The following CD36 variants were observed in gnomAD, a reference collection of about 807,000 sequenced individuals.
The protein encoded by CD36 is CD36 molecule (CD36 blood group), also known as platelet glycoprotein 4.
In CD36, 119 loss-of-function variants were observed where a neutral mutation model predicts 55.2. The observed-to-expected ratio is 2.15, with a 90% CI of 1.86 to 2.51. The LOEUF (loss-of-function observed/expected upper bound fraction) is 2.51, where lower values mean the gene tolerates loss of function less well. CD36 is among the 30% of genes most tolerant of loss of function. CD36 has a pLI of 0.00. For missense variants in CD36, 819 were observed against 555.5 expected, an observed-to-expected ratio of 1.47 and a Z score of -4.77; for synonymous variants, 186 against 193.6, an observed-to-expected ratio of 0.96 and a Z score of 0.33.
chr7:80,665,087 A>G (rs1044895573), intron 7 of CD36, among the ~76,000 whole-genome samples: 5 of 152,150 alleles, frequency 3.3e-5, no homozygotes, highest in African/African-American at 1.2e-4. Context: ...ATGCAAAAAT[A>G]GAATGAATAT....
At chr7:80,647,258 CTG>C (rs3138813) in intron 3 of CD36, 5,835 of 203,842 alleles carry the variant, frequency 0.029, 137 homozygotes, top group East Asian at 0.099. Context: ...AAAAGTAAAA[CTG>C]TGTGTGTGTG....
At position 80,672,774 on chromosome 7, in the gene CD36, C is replaced by T. The variant is rs748360708; in HGVS notation, c.1130C>T (p.Thr377Ile). The change falls in exon 12 of 15, where the codon ACT becomes ATT. Residue 377 changes from threonine to isoleucine, a missense_variant. Coordinates refer to ENST00000447544, the MANE Select transcript of CD36 (RefSeq NM_001001548.3). ...ATTTAGTTGTTCTCTTTTTAGATAACTGGATTCACTTTACAATTTGCAAAA... is the reference window on the plus strand; with the variant it reads ...ATTTAGTTGTTCTCTTTTTAGATAATTGGATTCACTTTACAATTTGCAAAA... Reference protein sequence around the residue: ...HRTYLDIEPITGFTLQFAKRL... With the variant: ...HRTYLDIEPIIGFTLQFAKRL... The T allele has an allele frequency of 5.0e-6, 8 of 1,605,010 alleles. No homozygotes were observed. The African/African-American group carries it at 1.1e-4, about 22-fold the overall frequency.
chr7:80,673,048 A>G, intron 12 of CD36: 2 of 563,666 alleles, frequency 3.5e-6, no homozygotes, highest in Non-Finnish European at 6.3e-6. Flanking sequence ...TGAGCATTTG[A>G]TAGCATCTCT....
At chr7:80,608,439 T>TAAC (rs1426518344) in intron 1 of CD36, among the ~76,000 whole-genome samples, 1 of 152,172 alleles carries the variant, frequency 6.6e-6, no homozygotes, top group African/African-American at 2.4e-5. Flanking sequence ...TCCCTATCTG[T>TAAC]AACACATGGA....
chr7:80,642,964 T>A (rs1794916190), intron 1 of CD36, among the ~76,000 whole-genome samples: 1 of 152,190 alleles, frequency 6.6e-6, no homozygotes, highest in African/African-American at 2.4e-5. Flanking sequence ...GTGTACACTA[T>A]CTCACTTCAG....
chr7:80,649,592 A>AT (rs1377650119), intron 3 of CD36, among the ~76,000 whole-genome samples: 2 of 152,076 alleles, frequency 1.3e-5, no homozygotes, highest in Non-Finnish European at 2.9e-5. Flanking sequence ...CCAGTGAGTT[A>AT]TTGATAGAAG....
At chr7:80,642,092 A>T (rs183566320) in intron 1 of CD36, among the ~76,000 whole-genome samples, 16 of 152,286 alleles carry the variant, frequency 1.1e-4, no homozygotes, top group Admixed American at 3.9e-4. Context: ...CAAGAAAGGC[A>T]TGTAATTAGT....
At chr7:80,604,804 C>T (rs1792451697) in intron 1 of CD36, among the ~76,000 whole-genome samples, 1 of 151,830 alleles carries the variant, frequency 6.6e-6, no homozygotes, top group African/African-American at 2.4e-5. Flanking sequence ...CTCATTAAGT[C>T]TTATAAATAT....
At chr7:80,637,027 A>C (rs1794463520), upstream of CD36, 1 of 152,056 alleles carries the variant, frequency 6.6e-6, no homozygotes, top group Admixed American at 6.6e-5. Context: ...CAACTTAGGC[A>C]TCTATTTTGC....
chr7:80,628,920 G>A (rs183423894), intron 1 of CD36, among the ~76,000 whole-genome samples: 100 of 152,148 alleles, frequency 6.6e-4, no homozygotes, highest in Non-Finnish European at 1.1e-3. Flanking sequence ...ACTCTTTTGA[G>A]TTTCTGACTA....
chr7:80,666,544 A>C, intron 8 of CD36, 55 bp downstream of exon 8: 1 of 1,307,090 alleles, frequency 7.7e-7, no homozygotes. Context: ...TTTCCCACAA[A>C]TCCACCGTTG....
At chr7:80,643,559 C>A (rs1274522173) in intron 1 of CD36, among the ~76,000 whole-genome samples, 1 of 152,060 alleles carries the variant, frequency 6.6e-6, no homozygotes, top group Non-Finnish European at 1.5e-5. Context: ...AGAGGTTCTC[C>A]TAGAGCTTCC....
intron 8 of CD36, among the ~76,000 whole-genome samples, chr7:80,669,231 A>G (rs572931998): frequency 1.3e-5 from 2 of 152,274 alleles, no homozygotes; most frequent in African/African-American, 4.8e-5. Context: ...GTACCATTAA[A>G]TATGTATAGT....
chr7:80,672,033 T>C lies in CD36; in HGVS notation c.1118T>C (p.Ile373Thr), dbSNP rs1797730238. Reference protein sequence around the residue: ...NEEEHRTYLDIEPITGFTLQF... With the variant: ...NEEEHRTYLDTEPITGFTLQF... ...GAAGAACATAGGACATACTTGGATA[T>C]TGAACCTGTAAGAAAACACCTTATT... The change falls in exon 11 of 15, where the codon ATT (isoleucine) becomes ACT (threonine). Residue 373 changes from isoleucine to threonine, a missense_variant. By Grantham distance (89) the Ile-to-Thr change is moderately conservative. Coordinates refer to ENST00000447544, the MANE Select transcript of CD36 (RefSeq NM_001001548.3). The C allele has an allele frequency of 6.2e-7, 1 of 1,606,302 alleles. No homozygotes were observed. The highest frequency in any genetic ancestry group is 8.5e-7 in the Non-Finnish European group (1 of 1,174,412).
At chr7:80,673,106 GAATTCATATTTC>G (rs2116895298) in intron 12 of CD36, 5 of 514,640 alleles carry the variant, frequency 9.7e-6, no homozygotes, top group Non-Finnish European at 1.7e-5. Context: ...TTAATTTTTG[GAATTCATATTTC>G]AGTTCCCCGA....
chr7:80,657,982 A>G (rs1796221778), intron 4 of CD36, among the ~76,000 whole-genome samples: 1 of 152,226 alleles, frequency 6.6e-6, no homozygotes, highest in Non-Finnish European at 1.5e-5. Context: ...ATTCACACCC[A>G]AAATAAAATG....
At chr7:80,611,102 C>G (rs1792854364) in intron 1 of CD36, among the ~76,000 whole-genome samples, 3 of 152,116 alleles carry the variant, frequency 2.0e-5, no homozygotes. Context: ...AGGCTGGTCT[C>G]AAACTCATGG....
At chr7:80,661,309 T>G (rs1402416245) in intron 5 of CD36, 99 bp downstream of exon 5, 14 of 1,201,242 alleles carry the variant, frequency 1.2e-5, no homozygotes, top group Admixed American at 5.5e-5. Flanking sequence ...TGTTTTTCCA[T>G]TTTTATCAAA....
Position 80,671,963 on chromosome 7 carries a change from A to G in CD36, c.1048A>G (p.Ser350Gly). The G allele has an allele frequency of 6.2e-7, 1 of 1,610,830 alleles. No individual in the cohort carries two copies. Among genetic ancestry groups the G allele is most frequent in the Middle Eastern group, 1.7e-4 (1 of 5,958 alleles). ...TTCACTTCCTCATTTTCTGTATGCA[A>G]GTCCTGATGTTTCAGAACCTATTGA... ...YISLPHFLYA[S>G]PDVSEPIDGL... The change falls in exon 11 of 15, where the codon AGT becomes GGT. Residue 350 changes from serine to glycine, a missense_variant. By Grantham distance (56) the Ser-to-Gly change is moderately conservative. Coordinates refer to ENST00000447544, the MANE Select transcript of CD36 (RefSeq NM_001001548.3).
Sources: allele counts gnomAD v4.1 joint callset (sites outside exome capture counted in the v4.1 genomes callset), GRCh38; gene constraint gnomAD v4.1.1; transcripts MANE v1.5; gene names NCBI Gene and HGNC (gene_info 2026-07-23, HGNC 2026-07-21).